Variants in ADGRL3 observed in about 807,000 individuals in gnomAD.
ADGRL3 encodes calcium-independent alpha-latrotoxin receptor 3.
A neutral mutation model predicts 153.5 loss-of-function variants in ADGRL3; 62 were observed. The ratio of observed to expected loss-of-function variants is 0.40; its 90% confidence interval spans 0.33 to 0.50. The LOEUF (loss-of-function observed/expected upper bound fraction) is 0.50. ADGRL3 is among the 20% of genes least tolerant of loss of function. The probability of loss-of-function intolerance (pLI) is 0.47; values close to 1 mark genes in which losing one functional copy is unlikely to be tolerated. For missense variants in ADGRL3, 1,641 were observed against 1,859.4 expected, an observed-to-expected ratio of 0.88 and a Z score of 2.16; for synonymous variants, 710 against 672.5, an observed-to-expected ratio of 1.06 and a Z score of -0.86.
intron 6 of ADGRL3, among the ~76,000 whole-genome samples, chr4:61,692,310 G>A (rs2095553781): frequency 7.0e-6 from 1 of 142,228 alleles, no homozygotes; most frequent in Admixed American, 7.4e-5. Flanking sequence ...CCTCTTCTCT[G>A]AATTTCCTTT....
At chr4:61,909,803 C>A in intron 12 of ADGRL3, 58 bp downstream of exon 12, 1 of 894,416 alleles carries the variant, frequency 1.1e-6, no homozygotes, top group South Asian at 2.5e-5. Context: ...GTGTGTGTGT[C>A]TTTAAAGTTG....
At chr4:61,799,006 TATATATATA>T (rs2097452027) in intron 8 of ADGRL3, among the ~76,000 whole-genome samples, 1 of 70,160 alleles carries the variant, frequency 1.4e-5, no homozygotes, top group East Asian at 4.2e-4. Flanking sequence ...ACAGTATATA[TATATATATA>T]TATATATATA....
At chr4:61,213,496 C>T (rs1741128360) in intron 1 of ADGRL3, among the ~76,000 whole-genome samples, 1 of 151,984 alleles carries the variant, frequency 6.6e-6, no homozygotes, top group Admixed American at 6.6e-5. Flanking sequence ...ACGTTGAACA[C>T]TTTTAAAATA....
At chr4:61,349,240 T>C (rs1218412667) in intron 1 of ADGRL3, among the ~76,000 whole-genome samples, 1 of 152,096 alleles carries the variant, frequency 6.6e-6, no homozygotes, top group East Asian at 1.9e-4. Flanking sequence ...GACTTTTATA[T>C]TGGTGTTCAG....
chr4:61,449,863 C>T (rs766119771), intron 2 of ADGRL3, among the ~76,000 whole-genome samples: 2 of 152,136 alleles, frequency 1.3e-5, no homozygotes, highest in Non-Finnish European at 2.9e-5. Flanking sequence ...GTTTCTCCAC[C>T]ACCTTTAACA....
intron 8 of ADGRL3, among the ~76,000 whole-genome samples, chr4:61,765,261 G>T (rs537316066): frequency 3.9e-5 from 6 of 152,170 alleles, no homozygotes; most frequent in South Asian, 4.1e-4. Context: ...TAGTAGGGAT[G>T]ACAGGTTTTT....
intron 13 of ADGRL3, among the ~76,000 whole-genome samples, chr4:61,915,972 G>A (rs1383616836): frequency 1.3e-5 from 2 of 151,894 alleles, no homozygotes; most frequent in African/African-American, 2.4e-5. Context: ...GTTGATTTTG[G>A]CTGTCTAAAT....
chr4:61,912,168 A>G (rs909471453), intron 12 of ADGRL3, among the ~76,000 whole-genome samples: 8 of 152,164 alleles, frequency 5.3e-5, no homozygotes, highest in African/African-American at 1.9e-4. Flanking sequence ...AGTTATCTCT[A>G]GTATGTGCCC....
At chr4:61,297,572 T>C (rs913455708) in intron 1 of ADGRL3, among the ~76,000 whole-genome samples, 20 of 152,112 alleles carry the variant, frequency 1.3e-4, no homozygotes, top group Non-Finnish European at 2.6e-4. Context: ...ACATTTTTTT[T>C]CCTTGTTTTT....
chr4:61,822,692 G>A (rs2148747399), intron 9 of ADGRL3, among the ~76,000 whole-genome samples: 1 of 152,114 alleles, frequency 6.6e-6, no homozygotes, highest in East Asian at 1.9e-4. Flanking sequence ...TTCATATACT[G>A]AGAATAATTA....
At chr4:61,675,851 C>T (rs192163237) in intron 5 of ADGRL3, among the ~76,000 whole-genome samples, 25 of 151,846 alleles carry the variant, frequency 1.6e-4, no homozygotes, top group Admixed American at 1.6e-3. Flanking sequence ...AATTAAATTA[C>T]GTTTGACTGT....
intron 1 of ADGRL3, among the ~76,000 whole-genome samples, chr4:61,272,316 G>T (rs1019055775): frequency 6.6e-6 from 1 of 151,762 alleles, no homozygotes; most frequent in Non-Finnish European, 1.5e-5. Context: ...GTATATGGAA[G>T]TCATCAGCCC....
At chr4:61,309,202 C>T (rs181245944) in intron 1 of ADGRL3, among the ~76,000 whole-genome samples, 1 of 152,190 alleles carries the variant, frequency 6.6e-6, no homozygotes, top group East Asian at 1.9e-4. Context: ...TTTTTGTAAA[C>T]CTATTTGAAT....
chr4:61,435,740 AAAC>A (rs2097436557), intron 2 of ADGRL3, among the ~76,000 whole-genome samples: 1 of 151,998 alleles, frequency 6.6e-6, no homozygotes, highest in Admixed American at 6.6e-5. Flanking sequence ...ATTCTCCATA[AAAC>A]AGTCAGTGAA....
At chr4:61,754,907 A>T (rs944340974) in intron 8 of ADGRL3, among the ~76,000 whole-genome samples, 4 of 152,106 alleles carry the variant, frequency 2.6e-5, no homozygotes, top group African/African-American at 9.7e-5. Context: ...GCTGAGAATG[A>T]TGGTTACCAG....
At chr4:61,646,199 A>C (rs940593607) in intron 5 of ADGRL3, among the ~76,000 whole-genome samples, 2 of 151,876 alleles carry the variant, frequency 1.3e-5, no homozygotes, top group Non-Finnish European at 2.9e-5. Context: ...AATTTTTTTC[A>C]AAGTTTTCAA....
rs201915293 is a variant in ADGRL3, at chr4:61,392,521, A to G, written c.-174+9332A>G. Among the ~76,000 whole-genome samples the G allele has an allele frequency of 7.9e-5, 12 of 151,464 alleles. No individual in the cohort carries two copies. In the East Asian group the frequency reaches 1.8e-3, roughly 23 times the overall value. On this transcript the variant is annotated intron_variant, in intron 2 of 26. Transcript: ENST00000683033. ...GCCAACATGGTGAAACCCCATCTCT[A>G]CTAAGAATACAAAAACTAGCTGGGC...
chr4:61,993,471 T>C, intron 19 of ADGRL3, among the ~76,000 whole-genome samples: 1 of 151,664 alleles, frequency 6.6e-6, no homozygotes, highest in Admixed American at 6.6e-5. Context: ...TTTGTATTTT[T>C]AGTAGAGATG....
chr4:62,029,228 T>C (rs1461034752), intron 22 of ADGRL3, among the ~76,000 whole-genome samples: 1 of 151,728 alleles, frequency 6.6e-6, no homozygotes, highest in East Asian at 1.9e-4. Context: ...TTCTGTTGTT[T>C]GTTTGGGCAT....
Sources: gnomAD v4.1 joint callset for allele counts (sites outside exome capture counted in the v4.1 genomes callset) on GRCh38, gnomAD v4.1.1 for gene constraint, MANE v1.5 for transcripts, NCBI Gene and HGNC (gene_info 2026-07-23, HGNC 2026-07-21) for gene names.